RUNX2: variants seen among roughly 807,000 people sequenced by gnomAD.
RUNX2 encodes runt-related transcription factor 2.
Under a neutral mutation model 51.7 loss-of-function variants are expected in RUNX2, and 10 were observed. The ratio of observed to expected loss-of-function variants is 0.19; its 90% CI spans 0.12 to 0.33. The LOEUF (loss-of-function observed/expected upper bound fraction) is 0.33. Ranked by LOEUF, RUNX2 falls within the 10% of genes least tolerant of loss-of-function variation. The pLI is 1.00. For missense variants in RUNX2, 562 were observed against 691.3 expected, an observed-to-expected ratio of 0.81 and a Z score of 2.10; for synonymous variants, 276 against 273.6, an observed-to-expected ratio of 1.01 and a Z score of -0.09.
At position 45,517,318 on chromosome 6, in the gene RUNX2, A is replaced by G. The variant is rs189428779; in HGVS notation, c.1021+4911A>G. On this transcript the variant is annotated intron_variant, in intron 7 of 8. Coordinates refer to ENST00000647337, the MANE Select transcript of RUNX2 (RefSeq NM_001024630.4). ...CATCTCAGCCTCCTGAGTAGCTGGG[A>G]CTAAAGGCCTGCACCACCTTGCCAG... 7.9e-4 allele frequency among the ~76,000 whole-genome samples: 121 copies of G among 152,220 alleles called. 1 individual carries two copies. Among genetic ancestry groups the G allele is most frequent in the Non-Finnish European group, 1.3e-3 (89 of 68,002 alleles).
chr6:45,421,405 C>T (rs1003344365), intron 2 of RUNX2: 1 of 150,166 alleles, frequency 6.7e-6, no homozygotes. Flanking sequence ...TCCACCCCCC[C>T]TCCTCATTTT....
In RUNX2 at chr6:45,439,527, C is replaced by T. The variant is rs543376230; in HGVS notation, c.685+1476C>T. Among the ~76,000 whole-genome samples the T allele has an allele frequency of 3.5e-3, 539 of 152,262 alleles. 2 individuals carry two copies. Among genetic ancestry groups the T allele is most frequent in the Non-Finnish European group, 5.2e-3 (353 of 68,024 alleles). On this transcript the variant is annotated intron_variant, in intron 5 of 8. Coordinates refer to ENST00000647337, the MANE Select transcript of RUNX2 (RefSeq NM_001024630.4). Reference sequence around the variant, plus strand: ...CCCCGGAATTCCTGAAAAGGCAGGACGTCCATTTTAGTAATGCACATAGCA... The same window carrying T: ...CCCCGGAATTCCTGAAAAGGCAGGATGTCCATTTTAGTAATGCACATAGCA...
At chr6:45,476,228 G>A (rs1799952151) in intron 5 of RUNX2, among the ~76,000 whole-genome samples, 1 of 152,290 alleles carries the variant, frequency 6.6e-6, no homozygotes, top group African/African-American at 2.4e-5. Context: ...GGAAAAGAGG[G>A]AGTGAGTCTG....
chr6:45,395,137 C>A (rs1797554697), intron 2 of RUNX2, among the ~76,000 whole-genome samples: 1 of 152,162 alleles, frequency 6.6e-6, no homozygotes. Context: ...GTCTGTTTCT[C>A]CAGTGTTTGG....
At chr6:45,359,969 A>G (rs1299399997) in intron 2 of RUNX2, among the ~76,000 whole-genome samples, 1 of 152,218 alleles carries the variant, frequency 6.6e-6, no homozygotes, top group Non-Finnish European at 1.5e-5. Flanking sequence ...GGTCCTTGTT[A>G]CTAATAACCG....
chr6:45,535,302 C>T (rs1801996785), intron 7 of RUNX2, among the ~76,000 whole-genome samples: 1 of 152,008 alleles, frequency 6.6e-6, no homozygotes, highest in Admixed American at 6.5e-5. Flanking sequence ...CCCCAGCACA[C>T]TTATAAGAAA....
At chr6:45,396,132 A>G (rs1322544429) in intron 2 of RUNX2, among the ~76,000 whole-genome samples, 1 of 152,228 alleles carries the variant, frequency 6.6e-6, no homozygotes, top group Non-Finnish European at 1.5e-5. Context: ...AATAGATACC[A>G]TAATATGCAT....
At chr6:45,507,069 T>C (rs1582185627) in intron 6 of RUNX2, among the ~76,000 whole-genome samples, 1 of 151,988 alleles carries the variant, frequency 6.6e-6, no homozygotes, top group East Asian at 1.9e-4. Flanking sequence ...GGCTGACCTA[T>C]AACTGCAGTC....
At chr6:45,427,064 C>G (rs1290707932) in intron 3 of RUNX2, among the ~76,000 whole-genome samples, 1 of 152,054 alleles carries the variant, frequency 6.6e-6, no homozygotes, top group Non-Finnish European at 1.5e-5. Context: ...AAGACAGACA[C>G]ATTTTTGTGT....
At chr6:45,414,757 T>C (rs1271868046) in intron 2 of RUNX2, among the ~76,000 whole-genome samples, 1 of 38,254 alleles carries the variant, frequency 2.6e-5, no homozygotes, top group African/African-American at 1.0e-4. Flanking sequence ...ATCCTGGCTT[T>C]TTTTTTTTTT....
chr6:45,458,082 AATGGCGCG>A (rs1378757543), intron 5 of RUNX2, among the ~76,000 whole-genome samples: 1 of 146,018 alleles, frequency 6.8e-6, no homozygotes, highest in Non-Finnish European at 1.5e-5. Flanking sequence ...GCTGGAGTGC[AATGGCGCG>A]ATCTCAGCTC....
intron 6 of RUNX2, 53 bp from the exon 7 acceptor site, chr6:45,512,193 T>C (rs1314869828): frequency 5.0e-6 from 8 of 1,593,150 alleles, no homozygotes; most frequent in Non-Finnish European, 6.8e-6. Flanking sequence ...GTTGCATGTT[T>C]CTAAGGCTGC....
chr6:45,524,944 C>A (rs1268866456), intron 7 of RUNX2, among the ~76,000 whole-genome samples: 1 of 152,146 alleles, frequency 6.6e-6, no homozygotes, highest in African/African-American at 2.4e-5. Flanking sequence ...AACCTCGTAT[C>A]TACTATAAAT....
rs181813204 is a variant in RUNX2 at position 45,548,506 on chromosome 6, A to T, written c.*1201A>T. The T allele has an allele frequency of 6.5e-6, 1 of 152,806 alleles. No individual in the cohort carries two copies. The highest frequency in any genetic ancestry group is 1.9e-4 in the East Asian group (1 of 5,190). The allele number at this position is 152,806 out of a possible 1,614,324, so 9.5% of individuals were successfully genotyped here. ...AGCTTTGCCTTCTAAAGCGGTAATT[A>T]GGGATTTAAAAAACAACCTTTAGCC... On this transcript the variant is annotated 3_prime_UTR_variant, in exon 9 of 9. Coordinates refer to ENST00000647337, the MANE Select transcript of RUNX2 (RefSeq NM_001024630.4).
rs186528039 is a variant in RUNX2 at position 45,471,549 on chromosome 6, A to C, written c.686-20392A>C. On this transcript the variant is annotated intron_variant, in intron 5 of 8. Coordinates refer to ENST00000647337, the MANE Select transcript of RUNX2 (RefSeq NM_001024630.4). Reference sequence around the variant, plus strand: ...AAGCTCCGCCTCCCAGGTTCATGCCATTCTCCTGCCTCAGCCTCCCCAGCA... The same window carrying C: ...AAGCTCCGCCTCCCAGGTTCATGCCCTTCTCCTGCCTCAGCCTCCCCAGCA... Among the ~76,000 whole-genome samples the C allele has an allele frequency of 6.4e-3, 955 of 148,402 alleles. 8 individuals are homozygous for C. Among genetic ancestry groups the C allele is most frequent in the African/African-American group, 0.022 (894 of 40,064 alleles).
intron 2 of RUNX2, among the ~76,000 whole-genome samples, chr6:45,330,824 A>G (rs1431966969): frequency 6.6e-6 from 1 of 151,876 alleles, no homozygotes; most frequent in African/African-American, 2.4e-5. Context: ...TGAATAGAGA[A>G]CTTAACATCA....
At chr6:45,509,564 C>G (rs1261681591) in intron 6 of RUNX2, among the ~76,000 whole-genome samples, 1 of 152,172 alleles carries the variant, frequency 6.6e-6, no homozygotes, top group African/African-American at 2.4e-5. Context: ...ACTATATTCA[C>G]TTTTCTGTAT....
At position 45,453,032 on chromosome 6, in the gene RUNX2, T is replaced by C. The variant is rs538540310; in HGVS notation, c.685+14981T>C. Among the ~76,000 whole-genome samples, 3 of 152,342 alleles carry C rather than the reference T, an allele frequency of 2.0e-5. No individual in the cohort carries two copies. In the South Asian group the frequency reaches 6.2e-4, roughly 32 times the overall value. Reference sequence around the variant, plus strand: ...TCTTCCACTGCCCTCCTTTCTTCATTGTCCATGACATTTTCTTAGTGGTCC... The same window carrying C: ...TCTTCCACTGCCCTCCTTTCTTCATCGTCCATGACATTTTCTTAGTGGTCC... On this transcript the variant is annotated intron_variant, in intron 5 of 8. Coordinates refer to ENST00000647337, the MANE Select transcript of RUNX2 (RefSeq NM_001024630.4).
rs1786754584 is a variant in RUNX2, at chr6:45,328,372, A to C, written c.-155A>C. 5.8e-6 allele frequency: 8 copies of C among 1,390,098 alleles called. No homozygotes were observed. Among genetic ancestry groups the C allele is most frequent in the Non-Finnish European group, 7.7e-6 (8 of 1,037,640 alleles). The allele number at this position is 1,390,098 out of a possible 1,614,324, so 86.1% of individuals were successfully genotyped here. ...CCACAGAACCACAAGTGCGGTGCAA[A>C]CTTTCTCCAGGAGGACAGCAAGAAG... On this transcript the variant is annotated 5_prime_UTR_variant, in exon 1 of 9. Transcript: ENST00000647337.
Sources: gnomAD v4.1 joint callset for allele counts (sites outside exome capture counted in the v4.1 genomes callset) on GRCh38, gnomAD v4.1.1 for gene constraint, MANE v1.5 for transcripts, NCBI Gene and HGNC (gene_info 2026-07-23, HGNC 2026-07-21) for gene names.